CRLF1: variants seen among roughly 807,000 people sequenced by gnomAD.
CRLF1 encodes the protein cytokine receptor like factor 1, also known as cytokine receptor-like factor 1.
A neutral mutation model predicts 48.9 loss-of-function variants in CRLF1; 36 were observed. The observed-to-expected ratio is 0.74, with a 90% CI of 0.56 to 0.97. CRLF1 has a LOEUF of 0.97. CRLF1 is among the 50% of genes least tolerant of loss of function. CRLF1 has a pLI of 0.00. For missense variants in CRLF1, 534 were observed against 575.1 expected (o/e 0.93, Z 0.73); for synonymous variants, 256 against 253.4 (o/e 1.01, Z -0.10).
rs7259478 is a variant in CRLF1 at position 18,599,815 on chromosome 19, C to T, written c.147G>A (p.Thr49=). The change falls in exon 2 of 9, where the codon ACG becomes ACA. Residue 49 remains threonine, a synonymous_variant. Transcript: ENST00000392386. ...CCAGCAGGGAGGAGCCGATGAGAAG[C>T]GTGGGATCCTGGGGACTGATCACAG... ...HTAVISPQDP[T]LLIGSSLLAT... is the part of the protein sequence containing the mutation. The T allele has an allele frequency of 5.0e-5, 78 of 1,566,630 alleles. 1 individual carries two copies. The African/African-American group carries it at 7.0e-4, about 14-fold the overall frequency.
intron 1 of CRLF1, among the ~76,000 whole-genome samples, chr19:18,605,819 C>T (rs1341215790): frequency 1.3e-5 from 2 of 152,160 alleles, no homozygotes; most frequent in Non-Finnish European, 2.9e-5. Context: ...AGTGGGCCCC[C>T]TCAAAGTTTG....
Position 18,593,498 on chromosome 19 carries a change from G to A in CRLF1, c.*68C>T, listed in dbSNP as rs534477786. 2 of 1,598,594 alleles carry A rather than the reference G, an allele frequency of 1.3e-6. No individual in the cohort carries two copies. The highest frequency in any genetic ancestry group is 4.5e-5 in the East Asian group (2 of 44,308). On this transcript the variant is annotated 3_prime_UTR_variant, in exon 9 of 9. Coordinates refer to ENST00000392386, the MANE Select transcript of CRLF1 (RefSeq NM_004750.5). ...GGTGCCCTGAAGTGAGGGTACAGAG[G>A]TGGCCCCAGTTTGGGTTCGGCCTCT...
intron 2 of CRLF1, 43 bp downstream of exon 2, chr19:18,599,522 G>T: frequency 1.2e-6 from 2 of 1,610,386 alleles, no homozygotes; most frequent in Non-Finnish European, 1.7e-6. Flanking sequence ...GGGAGATGCC[G>T]CTCCCAAGAG....
intron 1 of CRLF1, among the ~76,000 whole-genome samples, chr19:18,604,845 GTTT>G (rs1181034121): frequency 6.6e-6 from 1 of 152,150 alleles, no homozygotes; most frequent in Admixed American, 6.5e-5. Flanking sequence ...GCCTTTAAAA[GTTT>G]TTTCTCTCCT....
intron 8 of CRLF1, 33 bp downstream of exon 8, chr19:18,594,032 T>TTTGGGCACC: frequency 1.4e-6 from 1 of 695,814 alleles, no homozygotes; most frequent in Non-Finnish European, 2.2e-6. Context: ...CTCCCCTTGC[T>TTTGGGCACC]CCCTCCCGCC....
rs973127225 is a variant in CRLF1, at chr19:18,599,655, G to T, written c.307C>A (p.Leu103Ile). The T allele has an allele frequency of 1.2e-6, 2 of 1,613,518 alleles. No individual in the cohort carries two copies. The highest frequency in any genetic ancestry group is 1.7e-6 in the Non-Finnish European group (2 of 1,179,920). ...CCCGACCGCTGCCTGGACCCATTGA[G>T]GTTGGCCAGGGCCAGAGCCAAGGTG... is the stretch of plus-strand genomic sequence containing the variant. Reference protein sequence around the residue: ...ASTLALALANLNGSRQRSGDN... With the variant: ...ASTLALALANINGSRQRSGDN... The change falls in exon 2 of 9, where the codon CTC becomes ATC. Residue 103 changes from leucine to isoleucine, a missense_variant. Coordinates refer to ENST00000392386, the MANE Select transcript of CRLF1 (RefSeq NM_004750.5).
chr19:18,596,689 A>C lies in CRLF1; in HGVS notation c.957T>G (p.Tyr319Ter). Reference sequence around the variant, plus strand: ...TCCAGATCCCGGCTTTCTTGGAGCCATAGATGCCAAAGGGGTTGCAGCGCA... The same window carrying C: ...TCCAGATCCCGGCTTTCTTGGAGCCCTAGATGCCAAAGGGGTTGCAGCGCA... Reference protein sequence around the residue: ...VQVRCNPFGIYGSKKAGIWSE... With the variant: ...VQVRCNPFGI The change falls in exon 6 of 9, where the codon TAT (tyrosine) becomes TAG (stop). Residue 319 changes from tyrosine to a stop codon, truncating the protein, a stop_gained. Coordinates refer to ENST00000392386, the MANE Select transcript of CRLF1 (RefSeq NM_004750.5). LOFTEE classifies it high-confidence loss of function. The C allele has an allele frequency of 6.2e-7, 1 of 1,614,114 alleles. No individual in the cohort carries two copies. The highest frequency in any genetic ancestry group is 1.1e-5 in the South Asian group (1 of 91,080).
At chr19:18,603,758 C>T (rs1281467918) in intron 1 of CRLF1, among the ~76,000 whole-genome samples, 3 of 152,224 alleles carry the variant, frequency 2.0e-5, no homozygotes, top group Non-Finnish European at 4.4e-5. Context: ...AAACTTGGCT[C>T]GAGGGCTCTG....
chr19:18,598,389 G>A (rs1287071622), intron 4 of CRLF1, 43 bp downstream of exon 4: 1 of 1,579,084 alleles, frequency 6.3e-7, no homozygotes. Context: ...CGGTGGGTGG[G>A]GCTGGTGCCG....
chr19:18,602,941 C>A (rs893925812), intron 1 of CRLF1, among the ~76,000 whole-genome samples: 1 of 152,206 alleles, frequency 6.6e-6, no homozygotes, highest in African/African-American at 2.4e-5. Flanking sequence ...GAACTCTTGA[C>A]CTCCAGTGAT....
chr19:18,596,766 T>C lies in CRLF1; in HGVS notation c.880A>G (p.Thr294Ala), dbSNP rs1250960154. The change falls in exon 6 of 9, where the codon ACC (threonine) becomes GCC (alanine). Residue 294 changes from threonine (T) to alanine (A), a missense_variant. Around this residue, in one of 2 missense-constraint regions of CRLF1, gnomAD observed 528 missense variants for 555.7 expected, o/e 0.95. Coordinates refer to ENST00000392386, the MANE Select transcript of CRLF1 (RefSeq NM_004750.5). ...WKVVDDVSNQTSCRLAGLKPG... is the reference protein window; with the variant it reads ...WKVVDDVSNQASCRLAGLKPG... ...TTCAGGCCGGCCAGGCGGCAGGAGG[T>C]CTGGTTGCTCACATCGTCCACCACC... 1.2e-6 allele frequency: 2 copies of C among 1,612,408 alleles called. No homozygotes were observed. Among genetic ancestry groups the C allele is most frequent in the Non-Finnish European group, 1.7e-6 (2 of 1,179,662 alleles).
intron 1 of CRLF1, among the ~76,000 whole-genome samples, chr19:18,603,871 G>C (rs961268492): frequency 1.3e-5 from 2 of 151,120 alleles, no homozygotes; most frequent in Non-Finnish European, 3.0e-5. Context: ...GGCCAGAGCC[G>C]AGGAGGCGGG....
intron 1 of CRLF1, among the ~76,000 whole-genome samples, chr19:18,600,909 TCCTC>T (rs989063651): frequency 6.6e-6 from 1 of 151,884 alleles, no homozygotes; most frequent in Non-Finnish European, 1.5e-5. Context: ...GTTCAAGTGA[TCCTC>T]CCTCATCTCA....
At chr19:18,601,253 C>T (rs1186889384) in intron 1 of CRLF1, among the ~76,000 whole-genome samples, 1 of 151,778 alleles carries the variant, frequency 6.6e-6, no homozygotes, top group African/African-American at 2.4e-5. Flanking sequence ...AGCCCTGACC[C>T]TTACTTGAAT....
In CRLF1 at chr19:18,599,565, G is replaced by A. The variant is rs747750093; in HGVS notation, c.397C>T (p.Leu133=). ...TGGGGTGTCCTGGGTGCCAACTTAC[G>A]GCCAACATAGAGGCAGGAGCCAGCC... ...ILAGSCLYVG[L]PPEKPVNISC... The change falls in exon 2 of 9, where the codon CTG becomes TTG. Residue 133 remains leucine, a splice_region_variant and synonymous_variant. Transcript: ENST00000392386. 30 of 1,612,198 alleles carry A rather than the reference G, an allele frequency of 1.9e-5. No homozygotes were observed. The South Asian group carries it at 3.2e-4, about 17-fold the overall frequency.
intron 1 of CRLF1, among the ~76,000 whole-genome samples, chr19:18,602,862 C>A (rs563924120): frequency 1.8e-4 from 28 of 151,948 alleles, no homozygotes; most frequent in Admixed American, 1.6e-3. Flanking sequence ...TCACCATAAC[C>A]TCCACACCCA....
chr19:18,604,277 C>T lies in CRLF1; in HGVS notation c.115+2265G>A, dbSNP rs1321313149. ...CCGGGGCTGGGCGGGGGACACCGGG[C>T]GGCGACGGGTTGTAGGGGGAAGGCA... On this transcript the variant is annotated intron_variant, in intron 1 of 8. Transcript: ENST00000392386. 3.3e-5 allele frequency among the ~76,000 whole-genome samples: 5 copies of T among 152,110 alleles called. No homozygotes were observed. The East Asian group carries it at 5.8e-4, about 18-fold the overall frequency.
rs1976198519 is a variant in CRLF1 at position 18,599,928 on chromosome 19, G to A, written c.116-82C>T. On this transcript the variant is annotated intron_variant, in intron 1 of 8. Coordinates refer to ENST00000392386, the MANE Select transcript of CRLF1 (RefSeq NM_004750.5). Reference sequence around the variant, plus strand: ...CCATGCCAGGACCTCCAGGGTTCATGGTGGTCCTGAAAAGACGCTGTTAAT... The same window carrying A: ...CCATGCCAGGACCTCCAGGGTTCATAGTGGTCCTGAAAAGACGCTGTTAAT... 5.9e-6 allele frequency: 8 copies of A among 1,365,956 alleles called. No homozygotes were observed. The South Asian group carries it at 1.3e-4, about 22-fold the overall frequency. The allele number at this position is 1,365,956 out of a possible 1,614,324, so 84.6% of individuals were successfully genotyped here. A position where few individuals can be genotyped will look rare whatever the true frequency, so the allele number is the denominator to read the frequency against.
At position 18,594,345 on chromosome 19, in the gene CRLF1, C is replaced by T; in HGVS notation, c.1114G>A (p.Gly372Ser). The T allele has an allele frequency of 1.2e-6, 2 of 1,612,090 alleles. No homozygotes were observed. The highest frequency in any genetic ancestry group is 1.7e-6 in the Non-Finnish European group (2 of 1,179,692). The part of the protein sequence containing the change: ...PVRRELKQFL[G>S]WLKKHAYCSN... ...CAGTACGCGTGCTTCTTGAGCCAGC[C>T]CAGGAACTGCTTGAGCTCGCGCCGC... Residue 372 changes from glycine (G) to serine (S), a missense_variant, in exon 7 of 9, where the codon GGC (glycine) becomes AGC (serine). By Grantham distance (56) the Gly-to-Ser change is moderately conservative. Coordinates refer to ENST00000392386, the MANE Select transcript of CRLF1 (RefSeq NM_004750.5).
Sources: gnomAD v4.1 joint callset for allele counts (sites outside exome capture counted in the v4.1 genomes callset) on GRCh38, gnomAD v4.1.1 for gene constraint, gnomAD v4.1.1 regional missense constraint, MANE v1.5 for transcripts, NCBI Gene and HGNC (gene_info 2026-07-23, HGNC 2026-07-21) for gene names.